SRCIN1: variants seen among roughly 807,000 people sequenced by gnomAD.
SRCIN1 encodes the protein SRC kinase signaling inhibitor 1, also known as P130Cas-associated protein.
In SRCIN1, 50 loss-of-function variants were observed where a neutral mutation model predicts 116.2. The observed-to-expected ratio is 0.43, with a 90% CI of 0.34 to 0.54. The LOEUF is 0.54. Ranked by LOEUF, SRCIN1 falls within the 20% of genes least tolerant of loss-of-function variation. The pLI is 0.02. For missense variants in SRCIN1, 1,446 were observed against 1,672.0 expected (o/e 0.86, Z 2.36); for synonymous variants, 736 against 750.0 (o/e 0.98, Z 0.30).
chr17:38,562,140 G>A lies in SRCIN1; in HGVS notation c.1023C>T (p.Ala341=), dbSNP rs1043332271. The A allele has an allele frequency of 2.2e-6, 3 of 1,368,160 alleles. No individual in the cohort carries two copies. The highest frequency in any genetic ancestry group is 2.8e-6 in the Non-Finnish European group (3 of 1,068,912). 84.8% of individuals were successfully genotyped at this position (1,368,160 alleles called of 1,614,324 possible). A position where few individuals can be genotyped will look rare whatever the true frequency, so the allele number is the denominator to read the frequency against. ...SYAGGRPPSY[A]GSPVHHAAER... ...CGGCCGCGTGGTGCACCGGGCTGCC[G>A]GCGTACGAAGGCGGGCGCCCCCCGG... Residue 341 remains alanine (A), a synonymous_variant, in exon 7 of 19, where the codon GCC becomes GCT. Transcript: ENST00000617146. This position sits in a 1 kb window ranked among gnomAD's most constrained non-coding sequence, Gnocchi z 4.2.
At position 38,552,361 on chromosome 17, in the gene SRCIN1, G is replaced by C. The variant is rs540788264; in HGVS notation, c.2480+86C>G. 5.7e-5 allele frequency: 85 copies of C among 1,496,728 alleles called. No homozygotes were observed. The African/African-American group carries it at 8.3e-4, about 15-fold the overall frequency. 92.7% of individuals were successfully genotyped at this position (1,496,728 alleles called of 1,614,324 possible). On this transcript the variant is annotated intron_variant, in intron 13 of 18. Transcript: ENST00000617146. This position sits in a 1 kb window ranked among gnomAD's most constrained non-coding sequence, Gnocchi z 5.3. Reference sequence around the variant, plus strand: ...GTCGGCACGCCAGTGACCTTTGGGGGAGTTGGGGTAAGGGTTCAGTATGAC... The same window carrying C: ...GTCGGCACGCCAGTGACCTTTGGGGCAGTTGGGGTAAGGGTTCAGTATGAC...
chr17:38,582,549 C>T (rs899060503), intron 1 of SRCIN1, among the ~76,000 whole-genome samples: 2 of 152,224 alleles, frequency 1.3e-5, no homozygotes, highest in African/African-American at 4.8e-5. Flanking sequence ...GGCCGTCGCT[C>T]AGCCCTCAGG....
At chr17:38,606,693 C>A (rs1909385196), upstream of SRCIN1, among the ~76,000 whole-genome samples, 1 of 152,232 alleles carries the variant, frequency 6.6e-6, no homozygotes, top group Non-Finnish European at 1.5e-5. The surrounding 1 kb of genome is among the most constrained non-coding windows in gnomAD (Gnocchi z 5.2). Context: ...TACTTCAGCC[C>A]GCAGAGCACT....
At chr17:38,534,288 T>G (rs941405797) in intron 18 of SRCIN1, among the ~76,000 whole-genome samples, 6 of 152,218 alleles carry the variant, frequency 3.9e-5, no homozygotes, top group African/African-American at 1.4e-4. Context: ...GGCCACCCTC[T>G]GGCATGCATC....
intron 11 of SRCIN1, among the ~76,000 whole-genome samples, chr17:38,554,341 C>A (rs1336159350): frequency 1.3e-5 from 2 of 152,158 alleles, no homozygotes; most frequent in African/African-American, 4.8e-5. Context: ...CTGCTGTAAC[C>A]CTCATCTCAT....
Position 38,564,618 on chromosome 17 carries a change from C to T in SRCIN1, c.346-305G>A, listed in dbSNP as rs368199245. On this transcript the variant is annotated intron_variant, in intron 3 of 18. Transcript: ENST00000617146. Reference sequence around the variant, plus strand: ...GGGCACGGCTGCTATTTCAGGCTTCCGAAGAACAACACAAATTTGTCACCG... The same window carrying T: ...GGGCACGGCTGCTATTTCAGGCTTCTGAAGAACAACACAAATTTGTCACCG... Among the ~76,000 whole-genome samples, 13 of 152,080 alleles carry T rather than the reference C, an allele frequency of 8.5e-5. No individual in the cohort carries two copies. The East Asian group carries it at 1.4e-3, about 16-fold the overall frequency.
At position 38,558,648 on chromosome 17, in the gene SRCIN1, G is replaced by A. The variant is rs1338376528; in HGVS notation, c.2026-246C>T. On this transcript the variant is annotated intron_variant, in intron 10 of 18. Coordinates refer to ENST00000617146, the MANE Select transcript of SRCIN1 (RefSeq NM_025248.3). The surrounding 1 kb of genome is among the most constrained non-coding windows in gnomAD (Gnocchi z 4.6). The stretch of plus-strand genomic sequence containing the variant: ...GAACAGAGGCAGGAGGAGAACGGAT[G>A]GGGATCGTGGAGAGGGGAGCGTTAA... Among the ~76,000 whole-genome samples the A allele has an allele frequency of 2.6e-5, 4 of 152,166 alleles. No individual in the cohort carries two copies. The highest frequency in any genetic ancestry group is 2.0e-4 in the Admixed American group (3 of 15,282).
At chr17:38,600,816 G>A (rs1164336200) in intron 1 of SRCIN1, among the ~76,000 whole-genome samples, 1 of 152,382 alleles carries the variant, frequency 6.6e-6, no homozygotes, top group Non-Finnish European at 1.5e-5. Flanking sequence ...GAAGTGCTGA[G>A]GGCAGGGGTC....
intron 1 of SRCIN1, among the ~76,000 whole-genome samples, chr17:38,599,800 G>A (rs186646979): frequency 7.9e-5 from 12 of 152,306 alleles, no homozygotes; most frequent in Admixed American, 7.8e-4. Flanking sequence ...CGTGGGGCCC[G>A]AAGGGTGGGA....
chr17:38,584,745 A>G (rs1243195548), intron 1 of SRCIN1, among the ~76,000 whole-genome samples: 1 of 152,234 alleles, frequency 6.6e-6, no homozygotes, highest in Non-Finnish European at 1.5e-5. Context: ...CCGGTCCCCA[A>G]CTGGCATCTT....
At chr17:38,601,662 GCACACA>G (rs71138637) in intron 1 of SRCIN1, among the ~76,000 whole-genome samples, 40 of 149,944 alleles carry the variant, frequency 2.7e-4, no homozygotes, top group Middle Eastern at 6.8e-3. Flanking sequence ...ACGCTCGCGC[GCACACA>G]CACACACACA....
chr17:38,566,906 C>CTTCCTTCT (rs1555609865), intron 3 of SRCIN1, among the ~76,000 whole-genome samples: 47 of 134,648 alleles, frequency 3.5e-4, no homozygotes, highest in African/African-American at 1.1e-3. Context: ...TCCTTCTTTC[C>CTTCCTTCT]TTCCTTCCTT....
intron 1 of SRCIN1, among the ~76,000 whole-genome samples, chr17:38,587,930 C>A (rs917451988): frequency 3.3e-5 from 5 of 151,368 alleles, no homozygotes; most frequent in African/African-American, 1.2e-4. Flanking sequence ...CTTCCCCCTG[C>A]CCCTCCTCTT....
Position 38,568,584 on chromosome 17 carries a change from T to C in SRCIN1, c.325-353A>G, listed in dbSNP as rs1232120628. Among the ~76,000 whole-genome samples the C allele has an allele frequency of 6.6e-6, 1 of 152,002 alleles. No individual in the cohort carries two copies. Among genetic ancestry groups the C allele is most frequent in the Non-Finnish European group, 1.5e-5 (1 of 68,000 alleles). Reference sequence around the variant, plus strand: ...AGAGAAATGGCAGGCCAGGGAACAGTGCTTGGAAGAGGTGGCATTTGAGTT... The same window carrying C: ...AGAGAAATGGCAGGCCAGGGAACAGCGCTTGGAAGAGGTGGCATTTGAGTT... On this transcript the variant is annotated intron_variant, in intron 2 of 18. Coordinates refer to ENST00000617146, the MANE Select transcript of SRCIN1 (RefSeq NM_025248.3). This position sits in a 1 kb window ranked among gnomAD's most constrained non-coding sequence, Gnocchi z 4.5.
Position 38,572,194 on chromosome 17 carries a change from C to T in SRCIN1, c.325-3963G>A, listed in dbSNP as rs977186413. On this transcript the variant is annotated intron_variant, in intron 2 of 18. Coordinates refer to ENST00000617146, the MANE Select transcript of SRCIN1 (RefSeq NM_025248.3). The surrounding 1 kb of genome is among the most constrained non-coding windows in gnomAD (Gnocchi z 4.3). Reference sequence around the variant, plus strand: ...TGCACCGGTGCACACACCCACCTCTCAACTCCCATGAACACGAGTCAGCGT... The same window carrying T: ...TGCACCGGTGCACACACCCACCTCTTAACTCCCATGAACACGAGTCAGCGT... Among the ~76,000 whole-genome samples, 4 of 152,218 alleles carry T rather than the reference C, an allele frequency of 2.6e-5. No homozygotes were observed. The highest frequency in any genetic ancestry group is 9.6e-5 in the African/African-American group (4 of 41,458).
chr17:38,547,110 C>T (rs1905120597), intron 17 of SRCIN1, among the ~76,000 whole-genome samples: 1 of 152,214 alleles, frequency 6.6e-6, no homozygotes, highest in Non-Finnish European at 1.5e-5. Context: ...GGAAGAATTT[C>T]CCAATGCCAA....
At chr17:38,592,639 A>G (rs902564852) in intron 1 of SRCIN1, among the ~76,000 whole-genome samples, 75 of 152,286 alleles carry the variant, frequency 4.9e-4, no homozygotes, top group African/African-American at 1.6e-3. Flanking sequence ...CCTTGTGAAG[A>G]TGGGAAGAAA....
In SRCIN1 at chr17:38,558,535, C is replaced by T; in HGVS notation, c.2026-133G>A. 6 of 1,063,674 alleles carry T rather than the reference C, an allele frequency of 5.6e-6. No individual in the cohort carries two copies. Among genetic ancestry groups the T allele is most frequent in the Non-Finnish European group, 7.9e-6 (6 of 761,094 alleles). 65.9% of individuals were successfully genotyped at this position (1,063,674 alleles called of 1,614,324 possible). A position where few individuals can be genotyped will look rare whatever the true frequency, so the allele number is the denominator to read the frequency against. On this transcript the variant is annotated intron_variant, in intron 10 of 18. Transcript: ENST00000617146. This position sits in a 1 kb window ranked among gnomAD's most constrained non-coding sequence, Gnocchi z 4.6. ...CTGCAGAAGAAGCGGCTGCTTGGCT[C>T]CGCCTCAGGCAGCAGCGAAGGGGTG... is the stretch of plus-strand genomic sequence containing the variant.
In SRCIN1 at chr17:38,562,766, C is replaced by T. The variant is rs1906360533; in HGVS notation, c.834+61G>A. ...GGTTCCAGATGACAACTGCCCAGAC[C>T]CTGCTCCCCTGGACCCCATGTGCCC... On this transcript the variant is annotated intron_variant, in intron 6 of 18. Coordinates refer to ENST00000617146, the MANE Select transcript of SRCIN1 (RefSeq NM_025248.3). The surrounding 1 kb of genome is among the most constrained non-coding windows in gnomAD (Gnocchi z 4.2). The T allele has an allele frequency of 1.4e-6, 2 of 1,465,502 alleles. No individual in the cohort carries two copies. Among genetic ancestry groups the T allele is most frequent in the African/African-American group, 1.4e-5 (1 of 71,298 alleles). 90.8% of individuals were successfully genotyped at this position (1,465,502 alleles called of 1,614,324 possible). A position where few individuals can be genotyped will look rare whatever the true frequency, so the allele number is the denominator to read the frequency against.
Sources: allele counts gnomAD v4.1 joint callset (sites outside exome capture counted in the v4.1 genomes callset), GRCh38; gene constraint gnomAD v4.1.1; non-coding constraint Gnocchi (gnomAD v3.1); transcripts MANE v1.5; gene names NCBI Gene and HGNC (gene_info 2026-07-23, HGNC 2026-07-21).